TANGO6: variants seen among roughly 807,000 people sequenced by gnomAD.
The protein encoded by TANGO6 is transport and golgi organization 6 homolog, also known as transport and Golgi organization protein 6 homolog.
A neutral mutation model predicts 114.2 loss-of-function variants in TANGO6; 90 were observed. The ratio of observed to expected loss-of-function variants is 0.79; its 90% CI spans 0.66 to 0.94. The LOEUF (loss-of-function observed/expected upper bound fraction) is 0.94. Among genes scored for constraint, TANGO6 ranks in the 40% least tolerant of loss-of-function variants. The probability of loss-of-function intolerance (pLI) is 0.00; values close to 1 mark genes in which losing one functional copy is unlikely to be tolerated. For missense variants in TANGO6, 1,274 were observed against 1,315.3 expected (o/e 0.97, Z 0.49); for synonymous variants, 477 against 509.8 (o/e 0.94, Z 0.87).
At chr16:69,063,285 G>A (rs1203857146) in intron 17 of TANGO6, among the ~76,000 whole-genome samples, 2 of 151,618 alleles carry the variant, frequency 1.3e-5, no homozygotes, top group Non-Finnish European at 2.9e-5. Context: ...CAGCACATTG[G>A]GAGGCCAAGG....
intron 17 of TANGO6, among the ~76,000 whole-genome samples, chr16:69,066,525 G>C (rs1007843139): frequency 4.6e-5 from 7 of 151,982 alleles, no homozygotes; most frequent in Non-Finnish European, 1.0e-4. Flanking sequence ...TTGAACTCCT[G>C]ACCTAAAGTG....
At chr16:68,904,250 G>T (rs1409886551) in intron 9 of TANGO6, among the ~76,000 whole-genome samples, 1 of 152,132 alleles carries the variant, frequency 6.6e-6, no homozygotes, top group South Asian at 2.1e-4. Context: ...GGGACTACAG[G>T]TGCGCGCCAC....
intron 15 of TANGO6, among the ~76,000 whole-genome samples, chr16:68,992,922 A>T (rs1011782627): frequency 6.6e-6 from 1 of 152,146 alleles, no homozygotes; most frequent in Non-Finnish European, 1.5e-5. Flanking sequence ...TACAAAAATT[A>T]GCTGGGCGTG....
intron 1 of TANGO6, among the ~76,000 whole-genome samples, chr16:68,858,822 T>C (rs1962042209): frequency 6.6e-6 from 1 of 152,190 alleles, no homozygotes; most frequent in South Asian, 2.1e-4. Flanking sequence ...GCTATAAATG[T>C]CTCTATAAGC....
At chr16:68,987,353 T>C (rs1428520879) in intron 15 of TANGO6, among the ~76,000 whole-genome samples, 1 of 152,106 alleles carries the variant, frequency 6.6e-6, no homozygotes, top group Non-Finnish European at 1.5e-5. Flanking sequence ...TTTGTTGCTG[T>C]TGTTGTTGCT....
intron 15 of TANGO6, among the ~76,000 whole-genome samples, chr16:69,010,636 C>A (rs956028875): frequency 2.0e-5 from 3 of 152,150 alleles, no homozygotes; most frequent in African/African-American, 4.8e-5. Context: ...TACCATTCTT[C>A]AAGATTAGGT....
At chr16:68,901,556 T>A (rs1474005297) in intron 8 of TANGO6, among the ~76,000 whole-genome samples, 1 of 152,176 alleles carries the variant, frequency 6.6e-6, no homozygotes, top group East Asian at 1.9e-4. Flanking sequence ...TGGTGCGATC[T>A]CGGCTCACTG....
chr16:68,954,205 G>A (rs759797840), intron 14 of TANGO6, among the ~76,000 whole-genome samples: 19 of 148,052 alleles, frequency 1.3e-4, no homozygotes, highest in Non-Finnish European at 2.2e-4. Flanking sequence ...AGCTGAGATC[G>A]TGCCACTACA....
intron 17 of TANGO6, among the ~76,000 whole-genome samples, chr16:69,049,500 C>T (rs368792955): frequency 1.3e-5 from 2 of 150,614 alleles, no homozygotes; most frequent in Admixed American, 6.6e-5. Context: ...GGCGCCATCT[C>T]GTCTCACTGC....
In TANGO6 at chr16:69,083,554, G is replaced by A. The variant is rs200318232; in HGVS notation, c.3178G>A (p.Val1060Met). The A allele has an allele frequency of 9.2e-4, 1,477 of 1,611,294 alleles. 2 individuals are homozygous for A. Among genetic ancestry groups the A allele is most frequent in the Non-Finnish European group, 1.1e-3 (1,296 of 1,178,822 alleles). The change falls in exon 18 of 18, where the codon GTG (valine) becomes ATG (methionine). Residue 1060 changes from valine to methionine, a missense_variant. Physicochemically the swap from Val to Met is conservative, Grantham distance 21. Transcript: ENST00000261778. ...CGTAGTGTGTCTGGAGCCCGATGAC[G>A]TGGCCAAGCTCCATGCCCAGTTGGC... is the stretch of plus-strand genomic sequence containing the variant. ...KHVVCLEPDD[V>M]AKLHAQLALE... is the part of the protein sequence containing the mutation.
intron 15 of TANGO6, among the ~76,000 whole-genome samples, chr16:68,981,043 G>A (rs548035218): frequency 6.6e-6 from 1 of 151,822 alleles, no homozygotes; most frequent in East Asian, 1.9e-4. Flanking sequence ...TTTTATTTAA[G>A]GAACAATTTA....
chr16:68,847,630 G>A, intron 1 of TANGO6, among the ~76,000 whole-genome samples: 3 of 152,292 alleles, frequency 2.0e-5, no homozygotes, highest in Admixed American at 2.0e-4. Flanking sequence ...ACTCATTTCC[G>A]TTTGAGGTAT....
chr16:68,949,100 C>T (rs113645940), intron 14 of TANGO6, among the ~76,000 whole-genome samples: 3 of 152,156 alleles, frequency 2.0e-5, no homozygotes, highest in South Asian at 2.1e-4. Flanking sequence ...GCTGGAGAAA[C>T]GCTTGAACCT....
At chr16:68,942,473 T>C (rs1963364376) in intron 14 of TANGO6, among the ~76,000 whole-genome samples, 1 of 152,168 alleles carries the variant, frequency 6.6e-6, no homozygotes, top group African/African-American at 2.4e-5. Flanking sequence ...AAAAACCTCT[T>C]ACAGTGTGAT....
intron 7 of TANGO6, among the ~76,000 whole-genome samples, chr16:68,886,288 C>T (rs1360318638): frequency 3.3e-5 from 5 of 151,374 alleles, no homozygotes; most frequent in South Asian, 2.1e-4. Flanking sequence ...AATCTCAGCT[C>T]GCTGCAACAA....
intron 15 of TANGO6, among the ~76,000 whole-genome samples, chr16:68,993,077 A>AT (rs1262713636): frequency 6.6e-6 from 1 of 152,184 alleles, no homozygotes; most frequent in Middle Eastern, 3.2e-3. Context: ...CAAAAAAAAA[A>AT]GAAAAGAAAA....
rs1487669522 is a variant in TANGO6, at chr16:68,902,924, A to G, written c.1667+420A>G. ...AATAGCTATCTTTTATGGTAATTTT[A>G]TGATGGAAATTTGTTTCTCATAGGG... On this transcript the variant is annotated intron_variant, in intron 9 of 17. Coordinates refer to ENST00000261778, the MANE Select transcript of TANGO6 (RefSeq NM_024562.2). Among the ~76,000 whole-genome samples, 3 of 152,232 alleles carry G rather than the reference A, an allele frequency of 2.0e-5. No individual in the cohort carries two copies. The East Asian group carries it at 5.8e-4, about 29-fold the overall frequency.
In TANGO6 at chr16:68,903,569, G is replaced by A. The variant is rs1290556972; in HGVS notation, c.1667+1065G>A. On this transcript the variant is annotated intron_variant, in intron 9 of 17. Transcript: ENST00000261778. ...GGAGGTGGAAGTTACAGTGAGCTGG[G>A]ATCGTACCACTGCACTCCAGCCTGG... Among the ~76,000 whole-genome samples, 3 of 141,662 alleles carry A rather than the reference G, an allele frequency of 2.1e-5. No individual in the cohort carries two copies. In the East Asian group the frequency reaches 6.2e-4, roughly 29 times the overall value. 92.9% of individuals were successfully genotyped at this position (141,662 alleles called of 152,430 possible).
At chr16:68,917,758 CTCTTT>C (rs950458764) in intron 11 of TANGO6, among the ~76,000 whole-genome samples, 8 of 151,842 alleles carry the variant, frequency 5.3e-5, no homozygotes, top group Non-Finnish European at 8.8e-5. Context: ...TTTAATTGGG[CTCTTT>C]TCTTTTCAAG....
Sources: allele counts gnomAD v4.1 joint callset (sites outside exome capture counted in the v4.1 genomes callset), GRCh38; gene constraint gnomAD v4.1.1; transcripts MANE v1.5; gene names NCBI Gene and HGNC (gene_info 2026-07-23, HGNC 2026-07-21).